Variants in NAA25 observed in about 807,000 individuals in gnomAD.
NAA25 encodes the protein N-alpha-acetyltransferase 25, NatB auxiliary subunit.
Under a neutral mutation model 132.5 loss-of-function variants are expected in NAA25, and 30 were observed. That is an observed-to-expected ratio of 0.23 (90% CI 0.17 to 0.31). NAA25 has a LOEUF of 0.31. NAA25 is among the 10% of genes least tolerant of loss of function. The pLI is 1.00. For missense variants in NAA25, 771 were observed against 1,150.4 expected (o/e 0.67, Z 4.77); for synonymous variants, 359 against 401.9 (o/e 0.89, Z 1.28).
At position 112,078,733 on chromosome 12, in the gene NAA25, C is replaced by T. The variant is rs1472221165; in HGVS notation, c.486G>A (p.Ser162=). 3.1e-6 allele frequency: 5 copies of T among 1,611,470 alleles called. No individual in the cohort carries two copies. Among genetic ancestry groups the T allele is most frequent in the Admixed American group, 1.7e-5 (1 of 59,764 alleles). ...TTTTTGAGAGGTTTTCATCCTGTGC[C>T]GATATAGACTGAAAGAAGAAAAATA... ...SVMSLIMQSI[S]AQDENLSKTM... Residue 162 remains serine (S), a synonymous_variant, in exon 6 of 24, where the codon TCG becomes TCA. Transcript: ENST00000261745.
intron 17 of NAA25, among the ~76,000 whole-genome samples, chr12:112,046,447 C>T (rs973657814): frequency 6.6e-6 from 1 of 152,220 alleles, no homozygotes; most frequent in Non-Finnish European, 1.5e-5. Flanking sequence ...ATGCTCAGCC[C>T]TGTGAATCCT....
chr12:112,069,842 G>A (rs2078778860), intron 10 of NAA25, among the ~76,000 whole-genome samples: 1 of 136,972 alleles, frequency 7.3e-6, no homozygotes, highest in Admixed American at 7.3e-5. Context: ...AAAACTGTAA[G>A]CTAGGCCGGG....
intron 4 of NAA25, among the ~76,000 whole-genome samples, chr12:112,082,302 T>C (rs1021169910): frequency 1.3e-5 from 2 of 151,804 alleles, no homozygotes; most frequent in Non-Finnish European, 2.9e-5. Flanking sequence ...GCCATGATGA[T>C]TCATGACTGT....
chr12:112,086,051 A>AATATATATATATAT (rs1555238696), intron 4 of NAA25, among the ~76,000 whole-genome samples: 53 of 37,360 alleles, frequency 1.4e-3, no homozygotes, highest in Middle Eastern at 0.042. Flanking sequence ...AAAAAAAAAA[A>AATATATATATATAT]ATATATATAT....
intron 1 of NAA25, among the ~76,000 whole-genome samples, chr12:112,099,814 T>C (rs908836667): frequency 1.3e-5 from 2 of 152,120 alleles, no homozygotes; most frequent in African/African-American, 4.8e-5. Flanking sequence ...AAAAGGAAAG[T>C]TTTTCATCTG....
chr12:112,089,594 T>C (rs1345711186), intron 3 of NAA25, among the ~76,000 whole-genome samples: 2 of 152,076 alleles, frequency 1.3e-5, no homozygotes, highest in African/African-American at 4.8e-5. Context: ...AAACTAATAA[T>C]GTATTACTAA....
chr12:112,080,919 G>T, intron 5 of NAA25, 141 bp downstream of exon 5: 1 of 765,348 alleles, frequency 1.3e-6, no homozygotes, highest in Non-Finnish European at 2.3e-6. Flanking sequence ...AGTGAGCTAT[G>T]ATTGCACCAC....
chr12:112,072,514 C>G (rs2078827076), intron 9 of NAA25, among the ~76,000 whole-genome samples: 1 of 149,860 alleles, frequency 6.7e-6, no homozygotes, highest in South Asian at 2.1e-4. Flanking sequence ...GAGGCTGAGG[C>G]AGGAGAATCG....
chr12:112,038,875 A>G (rs1412640864), intron 22 of NAA25, among the ~76,000 whole-genome samples: 1 of 152,210 alleles, frequency 6.6e-6, no homozygotes, highest in Non-Finnish European at 1.5e-5. Context: ...GCTACTCGGG[A>G]AGCTGAGGCA....
At chr12:112,063,844 C>T (rs1297158552) in intron 11 of NAA25, 1 of 152,122 alleles carries the variant, frequency 6.6e-6, no homozygotes, top group Non-Finnish European at 1.5e-5. Flanking sequence ...AAAGGAGTGA[C>T]TACTGCCTCT....
chr12:112,085,697 T>C (rs1278266599), intron 4 of NAA25, among the ~76,000 whole-genome samples: 1 of 152,044 alleles, frequency 6.6e-6, no homozygotes, highest in African/African-American at 2.4e-5. Flanking sequence ...TATATGTATA[T>C]ATGTTAGCAT....
chr12:112,063,676 T>C (rs372020554), intron 11 of NAA25, among the ~76,000 whole-genome samples: 1 of 152,188 alleles, frequency 6.6e-6, no homozygotes, highest in South Asian at 2.1e-4. Context: ...GGGAAATTGA[T>C]TTGTTATAAA....
chr12:112,067,671 C>T (rs573505165), intron 11 of NAA25, among the ~76,000 whole-genome samples: 27 of 151,910 alleles, frequency 1.8e-4, no homozygotes, highest in South Asian at 1.2e-3. Flanking sequence ...GGCCACAGAG[C>T]GAGACCCTGT....
At chr12:112,104,203 C>T (rs1232580480) in intron 1 of NAA25, among the ~76,000 whole-genome samples, 1 of 152,170 alleles carries the variant, frequency 6.6e-6, no homozygotes, top group Non-Finnish European at 1.5e-5. Flanking sequence ...CATATTAAAA[C>T]AAGGGATCTC....
chr12:112,106,766 C>T (rs916713618), intron 1 of NAA25, among the ~76,000 whole-genome samples: 2 of 151,106 alleles, frequency 1.3e-5, no homozygotes, highest in African/African-American at 4.9e-5. Flanking sequence ...CTAGACTGGG[C>T]AACATGACGA....
chr12:112,043,655 T>A lies in NAA25; in HGVS notation c.2220A>T (p.Thr740=), dbSNP rs1415073078. Residue 740 remains threonine, a synonymous_variant, in exon 18 of 24, where the codon ACA becomes ACT. Coordinates refer to ENST00000261745, the MANE Select transcript of NAA25 (RefSeq NM_024953.4). ...TATCCTTCTCAATAAATCGCTTTCC[T>A]GTCTCCAGGGTTGCCTCCAGCTGTT... ...LLQQLEATLE[T]GKRFIEKDIQ... 2 of 1,614,220 alleles carry A rather than the reference T, an allele frequency of 1.2e-6. No individual in the cohort carries two copies. The highest frequency in any genetic ancestry group is 2.2e-5 in the South Asian group (2 of 91,086).
intron 13 of NAA25, among the ~76,000 whole-genome samples, chr12:112,057,994 A>G (rs1187022676): frequency 3.9e-5 from 6 of 152,162 alleles, no homozygotes; most frequent in African/African-American, 1.4e-4. Context: ...AAAACCCACA[A>G]AAGTTAGCTA....
rs923469496 is a variant in NAA25, at chr12:112,027,387, G to C, written c.*2144C>G. The C allele has an allele frequency of 3.4e-4, 52 of 152,548 alleles. No individual in the cohort carries two copies. Among genetic ancestry groups the C allele is most frequent in the African/African-American group, 1.2e-3 (51 of 41,508 alleles). 9.4% of individuals were successfully genotyped at this position (152,548 alleles called of 1,614,324 possible). A position where few individuals can be genotyped will look rare whatever the true frequency, so the allele number is the denominator to read the frequency against. Reference sequence around the variant, plus strand: ...TTTCCAAAAGAACAGATTGATAAGAGATATTGGCCATTTCTGCATAATTTC... The same window carrying C: ...TTTCCAAAAGAACAGATTGATAAGACATATTGGCCATTTCTGCATAATTTC... On this transcript the variant is annotated 3_prime_UTR_variant, in exon 24 of 24. Coordinates refer to ENST00000261745, the MANE Select transcript of NAA25 (RefSeq NM_024953.4).
intron 17 of NAA25, among the ~76,000 whole-genome samples, chr12:112,046,024 C>T (rs993082525): frequency 6.6e-6 from 1 of 152,158 alleles, no homozygotes; most frequent in African/African-American, 2.4e-5. Flanking sequence ...CAGCTATTAT[C>T]GTTAGAAAGG....
Sources: gnomAD v4.1 joint callset for allele counts (sites outside exome capture counted in the v4.1 genomes callset) on GRCh38, gnomAD v4.1.1 for gene constraint, MANE v1.5 for transcripts, NCBI Gene and HGNC (gene_info 2026-07-23, HGNC 2026-07-21) for gene names.